The following DSCAM variants were observed in gnomAD, a reference collection of about 807,000 sequenced individuals.
The protein encoded by DSCAM is cell adhesion molecule DSCAM.
DSCAM carries 47 observed loss-of-function variants against 217.7 expected under a neutral mutation model. The observed-to-expected ratio is 0.22, with a 90% CI of 0.17 to 0.28. The LOEUF is 0.28. Ranked by LOEUF, DSCAM falls within the 10% of genes least tolerant of loss-of-function variation. The probability of loss-of-function intolerance (pLI) is 1.00; values close to 1 mark genes in which losing one functional copy is unlikely to be tolerated. For synonymous variants in DSCAM, 1,056 were observed against 1,015.3 expected (o/e 1.04, Z -0.76); for missense variants, 2,080 against 2,618.3 (o/e 0.79, Z 4.49).
At chr21:40,065,787 T>C (rs540473261) in intron 27 of DSCAM, among the ~76,000 whole-genome samples, 13 of 152,276 alleles carry the variant, frequency 8.5e-5, no homozygotes, top group Non-Finnish European at 1.8e-4. Context: ...CCAACACTGA[T>C]ACCCACACTG....
intron 3 of DSCAM, among the ~76,000 whole-genome samples, chr21:40,478,709 T>C (rs2837649): frequency 0.21 from 31,362 of 152,056 alleles, 3,359 homozygotes; most frequent in South Asian, 0.23. Flanking sequence ...CTAATTACAA[T>C]GACTGCAACA....
chr21:40,676,154 AG>A lies in DSCAM; in HGVS notation c.508+16655del, dbSNP rs372886397. On this transcript the variant is annotated intron_variant, in intron 3 of 32. Coordinates refer to ENST00000400454, the MANE Select transcript of DSCAM (RefSeq NM_001389.5). The stretch of plus-strand genomic sequence containing the variant: ...CATCCATATCCTTACTAGCAAGAAA[AG>A]CTTTGTTTTTAAAAATCTCAATACA... Among the ~76,000 whole-genome samples, 389 of 152,206 alleles carry A rather than the reference AG, an allele frequency of 2.6e-3. 3 individuals carry two copies. Among genetic ancestry groups the A allele is most frequent in the African/African-American group, 8.5e-3 (351 of 41,462 alleles).
intron 8 of DSCAM, among the ~76,000 whole-genome samples, chr21:40,320,324 T>A (rs1326871016): frequency 6.6e-6 from 1 of 152,234 alleles, no homozygotes; most frequent in African/African-American, 2.4e-5. Context: ...TATTATTTCA[T>A]AATGCATATT....
At chr21:40,085,293 C>T (rs959033159) in intron 23 of DSCAM, among the ~76,000 whole-genome samples, 1 of 152,050 alleles carries the variant, frequency 6.6e-6, no homozygotes, top group East Asian at 1.9e-4. Context: ...GTAGAGTAAA[C>T]AGTGCAATTA....
At chr21:40,482,490 T>C (rs1474307892) in intron 3 of DSCAM, among the ~76,000 whole-genome samples, 1 of 152,208 alleles carries the variant, frequency 6.6e-6, no homozygotes, top group East Asian at 1.9e-4. Context: ...TTTTTCAGAA[T>C]TTTTACTCAC....
intron 4 of DSCAM, among the ~76,000 whole-genome samples, chr21:40,367,967 G>C (rs1167071860): frequency 6.6e-6 from 1 of 152,120 alleles, no homozygotes; most frequent in Non-Finnish European, 1.5e-5. Flanking sequence ...TGGGATTAAG[G>C]AAAGTAAACT....
At chr21:40,020,110 G>A (rs2088235544) in intron 32 of DSCAM, among the ~76,000 whole-genome samples, 1 of 152,166 alleles carries the variant, frequency 6.6e-6, no homozygotes, top group African/African-American at 2.4e-5. Flanking sequence ...ATTGAATCAT[G>A]GCAGTGGTTT....
At position 40,846,738 on chromosome 21, in the gene DSCAM, C is replaced by A. The variant is rs1219322163; in HGVS notation, c.-77G>T. ...GCGCTCCGCCCGGCCCGGCTCCGCTCGCCGCTCGGCACCTGCCCGGGGGCC... is the reference window on the plus strand; with the variant it reads ...GCGCTCCGCCCGGCCCGGCTCCGCTAGCCGCTCGGCACCTGCCCGGGGGCC... On this transcript the variant is annotated 5_prime_UTR_variant, in exon 1 of 33. Coordinates refer to ENST00000400454, the MANE Select transcript of DSCAM (RefSeq NM_001389.5). The A allele has an allele frequency of 2.0e-5, 14 of 714,882 alleles. No homozygotes were observed. The highest frequency in any genetic ancestry group is 2.3e-5 in the Non-Finnish European group (13 of 575,248). The allele number at this position is 714,882 out of a possible 1,614,324, so 44.3% of individuals were successfully genotyped here. A position where few individuals can be genotyped will look rare whatever the true frequency, so the allele number is the denominator to read the frequency against.
intron 1 of DSCAM, among the ~76,000 whole-genome samples, chr21:40,741,913 A>G (rs1601198796): frequency 6.6e-6 from 1 of 152,128 alleles, no homozygotes; most frequent in Non-Finnish European, 1.5e-5. Context: ...GAGAATTTCT[A>G]CTGTATGCCA....
chr21:40,730,985 C>A (rs1274795208), intron 1 of DSCAM, among the ~76,000 whole-genome samples: 2 of 152,094 alleles, frequency 1.3e-5, no homozygotes, highest in Non-Finnish European at 2.9e-5. Context: ...ATATTTGGAC[C>A]AACTCTATGC....
intron 3 of DSCAM, among the ~76,000 whole-genome samples, chr21:40,399,269 CACAAA>C (rs74879612): frequency 0.15 from 22,465 of 150,208 alleles, 2,074 homozygotes; most frequent in African/African-American, 0.27. Flanking sequence ...GACCCTGTCT[CACAAA>C]ACAAAACAAA....
chr21:40,114,269 A>G (rs1471427147), intron 20 of DSCAM, among the ~76,000 whole-genome samples: 1 of 146,224 alleles, frequency 6.8e-6, no homozygotes, highest in African/African-American at 2.5e-5. Context: ...CATATCTACA[A>G]CTATCTGATC....
intron 3 of DSCAM, among the ~76,000 whole-genome samples, chr21:40,377,256 C>T (rs2074972872): frequency 6.6e-6 from 1 of 152,080 alleles, no homozygotes; most frequent in African/African-American, 2.4e-5. Flanking sequence ...GGGACTTGCC[C>T]CAGTTTATAC....
intron 3 of DSCAM, among the ~76,000 whole-genome samples, chr21:40,386,005 T>C (rs753488450): frequency 2.6e-5 from 4 of 152,194 alleles, no homozygotes; most frequent in Non-Finnish European, 4.4e-5. Flanking sequence ...CCATGAGCTT[T>C]AGGTGGATCT....
At chr21:40,577,758 A>G (rs1568917241) in intron 3 of DSCAM, among the ~76,000 whole-genome samples, 1 of 152,204 alleles carries the variant, frequency 6.6e-6, no homozygotes, top group Non-Finnish European at 1.5e-5. Flanking sequence ...TTAAAAGGAT[A>G]AATGATTACA....
rs909117530 is a variant in DSCAM, at chr21:40,080,090, C to T, written c.4420+62G>A. 3.8e-5 allele frequency: 49 copies of T among 1,301,936 alleles called. 2 individuals carry two copies. Among genetic ancestry groups the T allele is most frequent in the Middle Eastern group, 4.9e-4 (2 of 4,080 alleles). The allele number at this position is 1,301,936 out of a possible 1,614,324, so 80.6% of individuals were successfully genotyped here. A position where few individuals can be genotyped will look rare whatever the true frequency, so the allele number is the denominator to read the frequency against. On this transcript the variant is annotated intron_variant, in intron 25 of 32. Transcript: ENST00000400454. ...AAACATGATGGATCTTTTATGATTCCAATCTCCTCTTCTGGCCGGGAAAAG... is the reference window on the plus strand; with the variant it reads ...AAACATGATGGATCTTTTATGATTCTAATCTCCTCTTCTGGCCGGGAAAAG...
At chr21:40,464,994 C>T (rs1698957430) in intron 3 of DSCAM, among the ~76,000 whole-genome samples, 1 of 152,096 alleles carries the variant, frequency 6.6e-6, no homozygotes, top group Non-Finnish European at 1.5e-5. Flanking sequence ...CTGCCTTGGC[C>T]TCCCGAAGTG....
intron 3 of DSCAM, among the ~76,000 whole-genome samples, chr21:40,655,667 G>A (rs1351810551): frequency 6.6e-6 from 1 of 151,522 alleles, no homozygotes; most frequent in Non-Finnish European, 1.5e-5. Context: ...TGCCAATACT[G>A]GTCATGAACT....
At chr21:40,139,913 G>T (rs2090268488) in intron 18 of DSCAM, among the ~76,000 whole-genome samples, 1 of 150,202 alleles carries the variant, frequency 6.7e-6, no homozygotes, top group African/African-American at 2.5e-5. Flanking sequence ...GGTGTGTGTG[G>T]TGAGTGTGGG....
Sources: allele counts gnomAD v4.1 joint callset (sites outside exome capture counted in the v4.1 genomes callset), GRCh38; gene constraint gnomAD v4.1.1; transcripts MANE v1.5; gene names NCBI Gene and HGNC (gene_info 2026-07-23, HGNC 2026-07-21).